Variants in SORCS1 observed in about 807,000 individuals in gnomAD.
SORCS1 encodes the protein sortilin related VPS10 domain containing receptor 1.
In SORCS1, 60 loss-of-function variants were observed where a neutral mutation model predicts 146.1. The ratio of observed to expected loss-of-function variants is 0.41; its 90% CI spans 0.33 to 0.51. SORCS1 has a LOEUF of 0.51. Among genes scored for constraint, SORCS1 ranks in the 20% least tolerant of loss-of-function variants. The pLI, the probability that SORCS1 is intolerant of heterozygous loss-of-function variation, is 0.21. For synonymous variants in SORCS1, 637 were observed against 584.0 expected (o/e 1.09, Z -1.31); for missense variants, 1,352 against 1,487.6 (o/e 0.91, Z 1.50).
chr10:106,675,196 GA>G (rs751570211), intron 13 of SORCS1, 40 bp from the exon 14 acceptor site: 304 of 1,395,176 alleles, frequency 2.2e-4, no homozygotes, highest in East Asian at 1.0e-3. Context: ...ATCTCCAAAG[GA>G]AAAAAAAATG....
At chr10:106,748,714 G>C (rs1007703225) in intron 5 of SORCS1, among the ~76,000 whole-genome samples, 4 of 152,240 alleles carry the variant, frequency 2.6e-5, no homozygotes, top group Non-Finnish European at 2.9e-5. Context: ...GCACTTTGCT[G>C]TCTCTGCTCT....
At chr10:106,664,492 A>G (rs766215419) in intron 17 of SORCS1, among the ~76,000 whole-genome samples, 49 of 152,036 alleles carry the variant, frequency 3.2e-4, no homozygotes, top group Non-Finnish European at 6.2e-4. Context: ...AATACAAAAC[A>G]TTAGCTGGGC....
intron 1 of SORCS1, among the ~76,000 whole-genome samples, chr10:107,042,484 C>T (rs976718174): frequency 1.3e-5 from 2 of 152,136 alleles, no homozygotes; most frequent in East Asian, 3.8e-4. Flanking sequence ...CTTTTTAAGG[C>T]CATCCTACTT....
Position 106,597,424 on chromosome 10 carries a change from G to A in SORCS1, c.3192C>T (p.Leu1064=). The change falls in exon 24 of 26, where the codon CTC becomes CTT. Residue 1064 remains leucine (L), a synonymous_variant. Coordinates refer to ENST00000263054, the MANE Select transcript of SORCS1 (RefSeq NM_052918.5). ...EQISELLIHT[L]NQNSVHFELK... The stretch of plus-strand genomic sequence containing the variant: ...GCTCGAAGTGTACTGAGTTTTGGTT[G>A]AGCGTGTGGATCAGCAATTCTGATA... The A allele has an allele frequency of 1.2e-6, 2 of 1,613,896 alleles. No homozygotes were observed. Among genetic ancestry groups the A allele is most frequent in the Non-Finnish European group, 1.7e-6 (2 of 1,179,834 alleles).
chr10:106,927,720 A>G (rs1253049134), intron 2 of SORCS1, among the ~76,000 whole-genome samples: 1 of 152,134 alleles, frequency 6.6e-6, no homozygotes, highest in East Asian at 1.9e-4. Flanking sequence ...GTGTTGACAC[A>G]AAGGTTCTCC....
intron 19 of SORCS1, 103 bp downstream of exon 19, chr10:106,629,099 A>C: frequency 9.8e-7 from 1 of 1,022,960 alleles, no homozygotes; most frequent in Non-Finnish European, 1.4e-6. Flanking sequence ...CCTTCTGCTA[A>C]AAGATAACTA....
intron 2 of SORCS1, among the ~76,000 whole-genome samples, chr10:106,935,299 T>C (rs998945137): frequency 1.3e-5 from 2 of 152,156 alleles, no homozygotes; most frequent in Non-Finnish European, 2.9e-5. Context: ...GATCAAATTA[T>C]TATTATCCCT....
intron 2 of SORCS1, among the ~76,000 whole-genome samples, chr10:106,862,754 G>A (rs966490964): frequency 4.8e-5 from 6 of 124,634 alleles, no homozygotes; most frequent in Non-Finnish European, 7.9e-5. Flanking sequence ...GACCATCCTG[G>A]CTAACACGGT....
intron 13 of SORCS1, among the ~76,000 whole-genome samples, chr10:106,677,088 T>C (rs1173209556): frequency 1.6e-4 from 25 of 152,202 alleles, no homozygotes; most frequent in Admixed American, 1.6e-3. Flanking sequence ...TGATTGCCCA[T>C]ATCCTTGGCT....
intron 1 of SORCS1, among the ~76,000 whole-genome samples, chr10:107,116,032 T>C (rs1319730123): frequency 6.6e-6 from 1 of 152,076 alleles, no homozygotes; most frequent in East Asian, 1.9e-4. Flanking sequence ...ACATCACTAA[T>C]AATCAGAAAA....
At position 106,671,250 on chromosome 10, in the gene SORCS1, C is replaced by A; in HGVS notation, c.2176G>T (p.Ala726Ser). The A allele has an allele frequency of 6.2e-7, 1 of 1,614,086 alleles. No individual in the cohort carries two copies. The highest frequency in any genetic ancestry group is 2.2e-5 in the East Asian group (1 of 44,880). The change falls in exon 16 of 26, where the codon GCT (alanine) becomes TCT (serine). Residue 726 changes from alanine to serine, a missense_variant. Around this residue, in one of 3 missense-constraint regions of SORCS1, gnomAD observed 648 missense variants for 793.8 expected, o/e 0.82. Transcript: ENST00000263054. ...MESEPCVCTE[A>S]DFDCDYGYER... ...GCACAAGCTCACCAATCAAAATCAG[C>A]CTCAGTGCAGACACAGGGTTCAGAT...
intron 6 of SORCS1, among the ~76,000 whole-genome samples, chr10:106,722,367 T>C (rs1855846857): frequency 6.6e-6 from 1 of 152,192 alleles, no homozygotes; most frequent in South Asian, 2.1e-4. Context: ...TACTGTTCAA[T>C]ACGGAAACTA....
chr10:106,878,993 A>G (rs1174650722), intron 2 of SORCS1, among the ~76,000 whole-genome samples: 2 of 151,072 alleles, frequency 1.3e-5, no homozygotes, highest in Non-Finnish European at 3.0e-5. Flanking sequence ...TAAAAATACA[A>G]AAAAAAAGTA....
chr10:106,576,842 A>G lies in SORCS1; in HGVS notation c.*578T>C. 5.8e-6 allele frequency: 1 copy of G among 173,598 alleles called. No homozygotes were observed. The highest frequency in any genetic ancestry group is 1.2e-5 in the Non-Finnish European group (1 of 81,416). 10.8% of individuals were successfully genotyped at this position (173,598 alleles called of 1,614,324 possible). On this transcript the variant is annotated 3_prime_UTR_variant, in exon 26 of 26. Coordinates refer to ENST00000263054, the MANE Select transcript of SORCS1 (RefSeq NM_052918.5). ...TGAAAGGAGCTGGGGTAGCTAATCC[A>G]CCCATCAGCCTTTAATGCTAAAATA...
At chr10:107,138,085 T>A (rs1967483250) in intron 1 of SORCS1, among the ~76,000 whole-genome samples, 1 of 152,170 alleles carries the variant, frequency 6.6e-6, no homozygotes, top group Non-Finnish European at 1.5e-5. Context: ...AAATAATTTC[T>A]CTTATATTTT....
chr10:107,129,973 T>A (rs772202537), intron 1 of SORCS1, among the ~76,000 whole-genome samples: 15 of 152,348 alleles, frequency 9.8e-5, no homozygotes, highest in Non-Finnish European at 2.2e-4. Flanking sequence ...TTACAGAGGA[T>A]CCACCTCATC....
chr10:107,041,614 C>T (rs1367122937), intron 1 of SORCS1, among the ~76,000 whole-genome samples: 12 of 151,848 alleles, frequency 7.9e-5, no homozygotes, highest in Non-Finnish European at 1.6e-4. Context: ...TTTTCCTTCC[C>T]CTACACCCAT....
intron 2 of SORCS1, among the ~76,000 whole-genome samples, chr10:106,883,218 T>A (rs577843822): frequency 4.6e-5 from 7 of 152,252 alleles, no homozygotes; most frequent in Non-Finnish European, 1.0e-4. Context: ...AACATAAGCA[T>A]GTTATAGGCC....
intron 1 of SORCS1, among the ~76,000 whole-genome samples, chr10:107,011,518 A>G (rs1286691421): frequency 6.6e-6 from 1 of 152,198 alleles, no homozygotes; most frequent in Non-Finnish European, 1.5e-5. Flanking sequence ...TGATCACTCC[A>G]TTAGATGCTA....
Sources: allele counts gnomAD v4.1 joint callset (sites outside exome capture counted in the v4.1 genomes callset), GRCh38; gene constraint gnomAD v4.1.1; regional missense constraint gnomAD v4.1.1; transcripts MANE v1.5; gene names NCBI Gene and HGNC (gene_info 2026-07-23, HGNC 2026-07-21).